Variants in TNS3 observed in about 807,000 individuals in gnomAD.
TNS3 encodes the protein tensin-3.
Under a neutral mutation model 140.9 loss-of-function variants are expected in TNS3, and 45 were observed. The observed-to-expected ratio is 0.32, with a 90% CI of 0.25 to 0.41. TNS3 has a LOEUF of 0.41. Ranked by LOEUF, TNS3 falls within the 10% of genes least tolerant of loss-of-function variation. TNS3 has a pLI of 1.00. For missense variants in TNS3, 1,716 were observed against 1,906.7 expected (o/e 0.90, Z 1.86); for synonymous variants, 815 against 788.4 (o/e 1.03, Z -0.56).
intron 21 of TNS3, among the ~76,000 whole-genome samples, chr7:47,304,076 G>A (rs1165674199): frequency 1.3e-5 from 2 of 152,130 alleles, no homozygotes; most frequent in Admixed American, 6.5e-5. Context: ...TTCATCCCCC[G>A]CAGCCAGGCC....
rs773729927 is a variant in TNS3, at chr7:47,369,598, C to T, written c.1048G>A (p.Asp350Asn). ...GEVLHTQGPVDGSLYAKVRKK... is the reference protein window; with the variant it reads ...GEVLHTQGPVNGSLYAKVRKK... ...CTCACCTTCGCGTAAAGGCTGCCAT[C>T]GACAGGGCCCTGCGTGTGTAGCACT... The change falls in exon 17 of 31, where the codon GAT becomes AAT. Residue 350 changes from aspartate to asparagine, a missense_variant. Physicochemically the swap from Asp to Asn is conservative, Grantham distance 23. Transcript: ENST00000311160. 11 of 1,593,586 alleles carry T rather than the reference C, an allele frequency of 6.9e-6. No homozygotes were observed. In the South Asian group the frequency reaches 1.1e-4, roughly 17 times the overall value.
intron 23 of TNS3, among the ~76,000 whole-genome samples, chr7:47,301,959 C>T (rs903157948): frequency 1.3e-5 from 2 of 152,194 alleles, no homozygotes; most frequent in African/African-American, 4.8e-5. Flanking sequence ...TGGCTGGGGC[C>T]CATTCCTCAC....
chr7:47,542,228 A>G (rs1799807902), intron 1 of TNS3, among the ~76,000 whole-genome samples: 1 of 152,246 alleles, frequency 6.6e-6, no homozygotes, highest in African/African-American at 2.4e-5. Flanking sequence ...CAAGGGGTCA[A>G]GGTGACCATG....
Position 47,322,608 on chromosome 7 carries a change from G to T in TNS3, c.2651-17605C>A. 1.3e-5 allele frequency among the ~76,000 whole-genome samples: 2 copies of T among 152,030 alleles called. 1 individual carries two copies. Among genetic ancestry groups the T allele is most frequent in the Admixed American group, 1.3e-4 (2 of 15,264 alleles). On this transcript the variant is annotated intron_variant, in intron 20 of 30. Transcript: ENST00000311160. ...AAATTAACAAACATACCCTAGGAAT[G>T]GAATGTTATGATTAGAAAAAGAAAA...
At chr7:47,435,158 C>T in intron 8 of TNS3, 124 bp downstream of exon 8, 1 of 1,306,920 alleles carries the variant, frequency 7.7e-7, no homozygotes, top group Non-Finnish European at 1.0e-6. Context: ...TAAAGACAAA[C>T]CCATAAGGAG....
At chr7:47,316,777 CAAAAA>C (rs766794024) in intron 20 of TNS3, among the ~76,000 whole-genome samples, 1 of 55,994 alleles carries the variant, frequency 1.8e-5, no homozygotes, top group Non-Finnish European at 4.1e-5. Flanking sequence ...GACTCCATCT[CAAAAA>C]AAAAAAAAAA....
At chr7:47,354,438 G>C (rs533593517) in intron 17 of TNS3, among the ~76,000 whole-genome samples, 5 of 152,070 alleles carry the variant, frequency 3.3e-5, no homozygotes, top group Non-Finnish European at 5.9e-5. Flanking sequence ...ATGTTCACGG[G>C]CAAAGGGCAG....
At chr7:47,316,658 G>A (rs562287863) in intron 20 of TNS3, among the ~76,000 whole-genome samples, 12 of 149,958 alleles carry the variant, frequency 8.0e-5, no homozygotes, top group African/African-American at 2.7e-4. Context: ...GTGAAACACC[G>A]TCTCTATTCA....
chr7:47,507,015 C>A, intron 2 of TNS3, 71 bp from the exon 3 acceptor site: 5 of 1,202,590 alleles, frequency 4.2e-6, no homozygotes, highest in Non-Finnish European at 5.5e-6. Flanking sequence ...CATCTTCAAA[C>A]CCTCTCAATC....
chr7:47,440,753 C>A (rs952868155), intron 5 of TNS3, among the ~76,000 whole-genome samples: 2 of 152,262 alleles, frequency 1.3e-5, no homozygotes, highest in South Asian at 4.1e-4. Context: ...CAATCGGTGC[C>A]CCCATGAGGT....
rs1362936195 is a variant in TNS3 at position 47,541,570 on chromosome 7, T to C, written c.-264-12423A>G. Among the ~76,000 whole-genome samples the C allele has an allele frequency of 3.9e-5, 6 of 152,112 alleles. No homozygotes were observed. In the East Asian group the frequency reaches 1.2e-3, roughly 29 times the overall value. On this transcript the variant is annotated intron_variant, in intron 1 of 30. Transcript: ENST00000311160. ...CCCACCAGGCAAACTGTAAACAACT[T>C]GGAGATCAAAATAGTGATAATATTG...
intron 2 of TNS3, among the ~76,000 whole-genome samples, chr7:47,519,562 G>A (rs1459257341): frequency 1.3e-5 from 2 of 152,204 alleles, no homozygotes; most frequent in African/African-American, 4.8e-5. Flanking sequence ...ACACATGGGT[G>A]TGACTGTCCA....
intron 17 of TNS3, among the ~76,000 whole-genome samples, chr7:47,348,690 A>T (rs1289966595): frequency 6.6e-6 from 1 of 152,210 alleles, no homozygotes; most frequent in Non-Finnish European, 1.5e-5. Context: ...ATAATAATAA[A>T]ACTGTGGACA....
chr7:47,398,494 T>C (rs1286726287), intron 15 of TNS3, among the ~76,000 whole-genome samples: 1 of 152,198 alleles, frequency 6.6e-6, no homozygotes, highest in Non-Finnish European at 1.5e-5. Flanking sequence ...GTGGATTTCA[T>C]CCCAGGAAGC....
intron 16 of TNS3, among the ~76,000 whole-genome samples, chr7:47,380,766 G>GCACA (rs113541286): frequency 0.012 from 1,656 of 140,998 alleles, 23 homozygotes; most frequent in African/African-American, 0.041. Flanking sequence ...ATATGCACGC[G>GCACA]CGCGCACACA....
intron 1 of TNS3, among the ~76,000 whole-genome samples, chr7:47,568,606 C>A (rs1199759169): frequency 2.0e-5 from 3 of 152,252 alleles, no homozygotes; most frequent in Non-Finnish European, 4.4e-5. Context: ...ATAATTCATG[C>A]CAGTTACTTC....
chr7:47,487,644 C>T (rs913509661), intron 3 of TNS3, among the ~76,000 whole-genome samples: 1 of 152,128 alleles, frequency 6.6e-6, no homozygotes, highest in African/African-American at 2.4e-5. Flanking sequence ...TAGAGACAAA[C>T]GGGCCAGCCA....
At chr7:47,281,091 A>C (rs1265259124) in intron 28 of TNS3, among the ~76,000 whole-genome samples, 2 of 152,122 alleles carry the variant, frequency 1.3e-5, no homozygotes, top group African/African-American at 4.8e-5. Flanking sequence ...TTACCAGCCC[A>C]CCCCTTCCAC....
In TNS3 at chr7:47,346,201, C is replaced by T. The variant is rs1329194661; in HGVS notation, c.2437G>A (p.Ala813Thr). 1 of 1,614,068 alleles carries T rather than the reference C, an allele frequency of 6.2e-7. No individual in the cohort carries two copies. The highest frequency in any genetic ancestry group is 8.5e-7 in the Non-Finnish European group (1 of 1,180,010). The stretch of plus-strand genomic sequence containing the variant: ...GTGGCACATACCTCTTTGACGTCCG[C>T]TGGTGAGGGGAATGGCGGCAGGTTT... ...APNLPPFPSP[A>T]DVKETMTPGY... The change falls in exon 18 of 31, where the codon GCG (alanine) becomes ACG (threonine). Residue 813 changes from alanine (A) to threonine (T), a missense_variant. By Grantham distance (58) the Ala-to-Thr change is moderately conservative (BLOSUM62 0). Around this residue, in one of 3 missense-constraint regions of TNS3, gnomAD observed 1,163 missense variants for 1,182.1 expected, o/e 0.98. Coordinates refer to ENST00000311160, the MANE Select transcript of TNS3 (RefSeq NM_022748.12).
Sources: allele counts gnomAD v4.1 joint callset (sites outside exome capture counted in the v4.1 genomes callset), GRCh38; gene constraint gnomAD v4.1.1; regional missense constraint gnomAD v4.1.1; transcripts MANE v1.5; gene names NCBI Gene and HGNC (gene_info 2026-07-23, HGNC 2026-07-21).